TMEM170B: variants seen among roughly 807,000 people sequenced by gnomAD.
The protein encoded by TMEM170B is transmembrane protein 170B.
Under a neutral mutation model 13.0 loss-of-function variants are expected in TMEM170B, and 6 were observed. The observed-to-expected ratio is 0.46, with a 90% CI of 0.25 to 0.91. TMEM170B has a LOEUF of 0.91. Ranked by LOEUF, TMEM170B falls within the 40% of genes least tolerant of loss-of-function variation. TMEM170B has a pLI of 0.17. For missense variants in TMEM170B, 138 were observed against 165.2 expected (o/e 0.84, Z 0.90); for synonymous variants, 61 against 64.9 (o/e 0.94, Z 0.29).
chr6:11,578,888 G>A lies in TMEM170B; in HGVS notation c.*3327G>A, dbSNP rs1042188498. ...AGGTCTTTAAAGAACCTCTAATGAA[G>A]AAAATGTGGCTGCCACATTGATGTA... On this transcript the variant is annotated 3_prime_UTR_variant, in exon 3 of 3. Transcript: ENST00000379426. 1 of 152,124 alleles carries A rather than the reference G, an allele frequency of 6.6e-6. No individual in the cohort carries two copies. Among genetic ancestry groups the A allele is most frequent in the Non-Finnish European group, 1.5e-5 (1 of 68,002 alleles). The allele number at this position is 152,124 out of a possible 1,614,324, so 9.4% of individuals were successfully genotyped here. A position where few individuals can be genotyped will look rare whatever the true frequency, so the allele number is the denominator to read the frequency against.
At chr6:11,568,701 G>A (rs1582146012) in intron 2 of TMEM170B, among the ~76,000 whole-genome samples, 1 of 152,206 alleles carries the variant, frequency 6.6e-6, no homozygotes, top group African/African-American at 2.4e-5. Context: ...TATCTGACCT[G>A]CAAACAGGTG....
chr6:11,575,479 C>G lies in TMEM170B; in HGVS notation c.317C>G (p.Pro106Arg). ...IYRVAGKNMAPLEALVWGVGQ... is the reference protein window; with the variant it reads ...IYRVAGKNMARLEALVWGVGQ... Reference sequence around the variant, plus strand: ...AGAGTAGCTGGGAAGAACATGGCCCCTTTGGAAGCGCTGGTATGGGGCGTT... The same window carrying G: ...AGAGTAGCTGGGAAGAACATGGCCCGTTTGGAAGCGCTGGTATGGGGCGTT... Residue 106 changes from proline (P) to arginine (R), a missense_variant, in exon 3 of 3, where the codon CCT becomes CGT. Physicochemically the swap from Pro to Arg is moderately radical, Grantham distance 103. Coordinates refer to ENST00000379426, the MANE Select transcript of TMEM170B (RefSeq NM_001100829.3). This position sits in a 1 kb window ranked among gnomAD's most constrained non-coding sequence, Gnocchi z 4.1. The G allele has an allele frequency of 1.2e-6, 2 of 1,613,504 alleles. No individual in the cohort carries two copies. The highest frequency in any genetic ancestry group is 1.7e-6 in the Non-Finnish European group (2 of 1,179,618).
intron 1 of TMEM170B, among the ~76,000 whole-genome samples, chr6:11,546,274 G>C (rs1212149869): frequency 6.6e-6 from 1 of 151,666 alleles, no homozygotes; most frequent in Non-Finnish European, 1.5e-5. Context: ...AGTAGAAAAA[G>C]TTTATAAAAT....
rs140795970 is a variant in TMEM170B, at chr6:11,543,478, T to G, written c.97+5104T>G. Among the ~76,000 whole-genome samples the G allele has an allele frequency of 6.3e-3, 965 of 152,358 alleles. 11 individuals are homozygous for G. Among genetic ancestry groups the G allele is most frequent in the African/African-American group, 0.022 (907 of 41,590 alleles). Reference sequence around the variant, plus strand: ...GTATAATGCTTTCATATATTTTGTTTAATCTTTTAGGCAATCCTGAGAGAT... The same window carrying G: ...GTATAATGCTTTCATATATTTTGTTGAATCTTTTAGGCAATCCTGAGAGAT... On this transcript the variant is annotated intron_variant, in intron 1 of 2. Coordinates refer to ENST00000379426, the MANE Select transcript of TMEM170B (RefSeq NM_001100829.3).
At chr6:11,550,404 C>T (rs917197976) in intron 1 of TMEM170B, among the ~76,000 whole-genome samples, 1 of 152,036 alleles carries the variant, frequency 6.6e-6, no homozygotes, top group Admixed American at 6.5e-5. Context: ...AACTCCTGAC[C>T]TCAGGTGATC....
chr6:11,545,012 C>A (rs1009997484), intron 1 of TMEM170B, among the ~76,000 whole-genome samples: 7 of 151,548 alleles, frequency 4.6e-5, no homozygotes, highest in African/African-American at 1.7e-4. Flanking sequence ...AGTGTTCTGA[C>A]CCAAATTTGG....
chr6:11,542,796 A>G (rs1248326048), intron 1 of TMEM170B, among the ~76,000 whole-genome samples: 1 of 152,208 alleles, frequency 6.6e-6, no homozygotes, highest in Non-Finnish European at 1.5e-5. Context: ...TTGTCTGCTC[A>G]AAAGAGGCGA....
intron 1 of TMEM170B, among the ~76,000 whole-genome samples, chr6:11,545,970 C>T (rs1301540485): frequency 1.3e-5 from 2 of 149,056 alleles, no homozygotes; most frequent in African/African-American, 2.5e-5. Context: ...CGAGATTGCA[C>T]CAGTGCACTC....
At chr6:11,564,817 A>G (rs1759714246) in intron 1 of TMEM170B, among the ~76,000 whole-genome samples, 1 of 152,158 alleles carries the variant, frequency 6.6e-6, no homozygotes, top group South Asian at 2.1e-4. Flanking sequence ...GAGCAAGGAC[A>G]CTCAGTTGGT....
intron 1 of TMEM170B, among the ~76,000 whole-genome samples, chr6:11,541,508 G>A (rs59537407): frequency 0.055 from 8,428 of 152,224 alleles, 346 homozygotes; most frequent in African/African-American, 0.11. Flanking sequence ...CTTTCTCTGG[G>A]TTAGGCTTTG....
chr6:11,552,157 TG>T (rs1759533715), intron 1 of TMEM170B, among the ~76,000 whole-genome samples: 1 of 152,196 alleles, frequency 6.6e-6, no homozygotes, highest in Admixed American at 6.5e-5. Context: ...GCTTAGTGGT[TG>T]GGAACACCCG....
At chr6:11,549,168 G>A (rs1759483434) in intron 1 of TMEM170B, among the ~76,000 whole-genome samples, 1 of 152,032 alleles carries the variant, frequency 6.6e-6, no homozygotes, top group African/African-American at 2.4e-5. Flanking sequence ...GTCTACTGAT[G>A]GCTATATTTA....
In TMEM170B at chr6:11,538,231, C is replaced by T. The variant is rs1440256811; in HGVS notation, c.-47C>T. The T allele has an allele frequency of 3.6e-6, 4 of 1,121,754 alleles. No individual in the cohort carries two copies. The highest frequency in any genetic ancestry group is 4.5e-6 in the Non-Finnish European group (4 of 893,656). 69.5% of individuals were successfully genotyped at this position (1,121,754 alleles called of 1,614,324 possible). A position where few individuals can be genotyped will look rare whatever the true frequency, so the allele number is the denominator to read the frequency against. ...GCCCCCCGAGCCTCGCAGCCGCCGC[C>T]GCCGCCCGGCACCCGAGGAGAGGGC... is the stretch of plus-strand genomic sequence containing the variant. On this transcript the variant is annotated 5_prime_UTR_variant, in exon 1 of 3. Transcript: ENST00000379426.
intron 2 of TMEM170B, among the ~76,000 whole-genome samples, chr6:11,570,389 A>G (rs1485382280): frequency 6.6e-6 from 1 of 152,144 alleles, no homozygotes; most frequent in African/African-American, 2.4e-5. Flanking sequence ...TAAGATGAAT[A>G]GACTGCTGGC....
intron 1 of TMEM170B, among the ~76,000 whole-genome samples, chr6:11,546,979 T>C (rs1055549612): frequency 2.6e-5 from 4 of 152,262 alleles, no homozygotes; most frequent in African/African-American, 7.2e-5. Flanking sequence ...GTAAAAGTTA[T>C]ATGAATGCGG....
intron 1 of TMEM170B, among the ~76,000 whole-genome samples, chr6:11,538,795 C>A (rs1368962387): frequency 2.6e-5 from 4 of 152,220 alleles, no homozygotes; most frequent in African/African-American, 4.8e-5. Context: ...TCTGGCAAAT[C>A]TCAAGCCAAA....
At chr6:11,551,914 T>C (rs142070843) in intron 1 of TMEM170B, among the ~76,000 whole-genome samples, 1,594 of 152,298 alleles carry the variant, frequency 0.01, 10 homozygotes, top group Middle Eastern at 0.02. Context: ...AAAGCAAAGA[T>C]GTTTTCATCA....
At chr6:11,540,091 G>T (rs191721942) in intron 1 of TMEM170B, among the ~76,000 whole-genome samples, 2 of 152,224 alleles carry the variant, frequency 1.3e-5, no homozygotes, top group Admixed American at 1.3e-4. Context: ...CAGCAAGGAC[G>T]TTATCTTTTT....
chr6:11,540,195 G>A (rs115939337), intron 1 of TMEM170B, among the ~76,000 whole-genome samples: 2,572 of 152,270 alleles, frequency 0.017, 73 homozygotes, highest in African/African-American at 0.059. Context: ...TCTTAAAACA[G>A]CAATGAAGTT....
Sources: allele counts gnomAD v4.1 joint callset (sites outside exome capture counted in the v4.1 genomes callset), GRCh38; gene constraint gnomAD v4.1.1; non-coding constraint Gnocchi (gnomAD v3.1); transcripts MANE v1.5; gene names NCBI Gene and HGNC (gene_info 2026-07-23, HGNC 2026-07-21).